The following METTL15 variants were observed in gnomAD, a reference collection of about 807,000 sequenced individuals.
The protein encoded by METTL15 is 12S rRNA N(4)-cytidine methyltransferase METTL15.
A neutral mutation model predicts 38.3 loss-of-function variants in METTL15; 34 were observed. That is an observed-to-expected ratio of 0.89 (90% CI 0.68 to 1.18). The LOEUF (loss-of-function observed/expected upper bound fraction) is 1.18, where lower values mean the gene tolerates loss of function less well. Among genes scored for constraint, METTL15 ranks in the 50% most tolerant of loss-of-function variants. The pLI is 0.00. For synonymous variants in METTL15, 162 were observed against 170.9 expected (o/e 0.95, Z 0.41); for missense variants, 438 against 498.4 (o/e 0.88, Z 1.15).
At chr11:28,157,745 A>C (rs571245218) in intron 3 of METTL15, among the ~76,000 whole-genome samples, 1 of 152,240 alleles carries the variant, frequency 6.6e-6, no homozygotes, top group African/African-American at 2.4e-5. Flanking sequence ...AATTTACATG[A>C]GGAAGTGGCG....
At chr11:28,184,647 C>A (rs1035920445) in intron 3 of METTL15, among the ~76,000 whole-genome samples, 5 of 151,510 alleles carry the variant, frequency 3.3e-5, no homozygotes, top group African/African-American at 9.7e-5. Context: ...TATCAACAAG[C>A]ATTATGTATT....
At chr11:28,377,737 G>A (rs1850333578) in intron 5 of METTL15, among the ~76,000 whole-genome samples, 1 of 152,158 alleles carries the variant, frequency 6.6e-6, no homozygotes, top group Admixed American at 6.5e-5. Flanking sequence ...GAGGCACTCT[G>A]CTTTTTAGAG....
At chr11:28,148,042 T>G (rs1849948939) in intron 3 of METTL15, among the ~76,000 whole-genome samples, 1 of 151,914 alleles carries the variant, frequency 6.6e-6, no homozygotes. Context: ...CAACCTCATT[T>G]TATTCATGTA....
intron 5 of METTL15, among the ~76,000 whole-genome samples, chr11:28,362,801 G>A (rs1052395808): frequency 9.9e-5 from 15 of 152,120 alleles, no homozygotes; most frequent in Non-Finnish European, 1.9e-4. Flanking sequence ...CCATGTCCTT[G>A]CTATTATGAA....
intron 4 of METTL15, among the ~76,000 whole-genome samples, chr11:28,241,202 G>A (rs1854277727): frequency 1.3e-5 from 2 of 152,114 alleles, no homozygotes; most frequent in Admixed American, 1.3e-4. Flanking sequence ...GAATAGGTAA[G>A]TTTTCTAGTA....
intron 2 of METTL15, among the ~76,000 whole-genome samples, chr11:28,111,634 G>C (rs192078457): frequency 3.3e-5 from 5 of 152,294 alleles, no homozygotes; most frequent in Admixed American, 3.3e-4. Flanking sequence ...GGTAGACTGT[G>C]TTACAATTTT....
intron 3 of METTL15, among the ~76,000 whole-genome samples, chr11:28,339,328 C>T (rs1849929258): frequency 6.6e-6 from 1 of 151,934 alleles, no homozygotes; most frequent in Non-Finnish European, 1.5e-5. Context: ...GGGATTCACA[C>T]ACAATGCTGT....
chr11:28,456,815 A>G (rs1851173251), intron 6 of METTL15, among the ~76,000 whole-genome samples: 1 of 152,108 alleles, frequency 6.6e-6, no homozygotes, highest in Non-Finnish European at 1.5e-5. Flanking sequence ...AGTCCCAACT[A>G]ATCCCAGCCT....
intron 3 of METTL15, among the ~76,000 whole-genome samples, chr11:28,176,586 A>C (rs1851084473): frequency 6.6e-6 from 1 of 152,172 alleles, no homozygotes; most frequent in Non-Finnish European, 1.5e-5. Flanking sequence ...AGTATTTCTT[A>C]TCATTACCAT....
At chr11:28,133,400 G>A (rs1269961938) in intron 3 of METTL15, among the ~76,000 whole-genome samples, 1 of 152,068 alleles carries the variant, frequency 6.6e-6, no homozygotes, top group African/African-American at 2.4e-5. Context: ...ATCAATTGAG[G>A]AAGATTTTGA....
chr11:28,117,181 T>C (rs1851997858), intron 3 of METTL15, among the ~76,000 whole-genome samples: 2 of 151,286 alleles, frequency 1.3e-5, no homozygotes, highest in Non-Finnish European at 2.9e-5. Context: ...TTGAAATATA[T>C]GTGATATTTG....
intron 3 of METTL15, among the ~76,000 whole-genome samples, chr11:28,169,731 G>A (rs1460319254): frequency 2.6e-5 from 4 of 152,020 alleles, no homozygotes; most frequent in East Asian, 3.9e-4. Context: ...CTATGGCTAT[G>A]TGAATAATAT....
intron 3 of METTL15, among the ~76,000 whole-genome samples, chr11:28,141,842 C>A (rs969002624): frequency 6.6e-6 from 1 of 152,146 alleles, no homozygotes; most frequent in Non-Finnish European, 1.5e-5. Context: ...AACCTTGTGG[C>A]CTTTCATTAT....
chr11:28,166,682 GC>G (rs1483376054), intron 3 of METTL15, among the ~76,000 whole-genome samples: 1 of 152,176 alleles, frequency 6.6e-6, no homozygotes, highest in Non-Finnish European at 1.5e-5. Flanking sequence ...AGGCATAGTG[GC>G]TCATGCCTGT....
intron 6 of METTL15, among the ~76,000 whole-genome samples, chr11:28,314,212 C>G (rs948230135): frequency 3.9e-5 from 6 of 152,192 alleles, no homozygotes; most frequent in Non-Finnish European, 7.4e-5. Context: ...CACATGACCT[C>G]TACCTTCTGG....
intron 3 of METTL15, among the ~76,000 whole-genome samples, chr11:28,148,120 C>A (rs1849952000): frequency 6.6e-6 from 1 of 151,820 alleles, no homozygotes; most frequent in Non-Finnish European, 1.5e-5. Flanking sequence ...ACTTTTACTT[C>A]TTGAGTCATA....
At chr11:28,370,420 A>G (rs1180034909) in intron 5 of METTL15, among the ~76,000 whole-genome samples, 2 of 152,002 alleles carry the variant, frequency 1.3e-5, no homozygotes, top group African/African-American at 4.8e-5. Flanking sequence ...ATAATATTCC[A>G]TGATGTCTAC....
At chr11:28,390,584 C>G (rs1180122288) in intron 5 of METTL15, among the ~76,000 whole-genome samples, 1 of 152,132 alleles carries the variant, frequency 6.6e-6, no homozygotes, top group Admixed American at 6.5e-5. Context: ...TTCCATTGAT[C>G]TATATCTCTG....
chr11:28,514,860 A>C (rs1851706429), intron 6 of METTL15, among the ~76,000 whole-genome samples: 2 of 152,218 alleles, frequency 1.3e-5, no homozygotes, highest in Admixed American at 1.3e-4. Flanking sequence ...ATTAATGCAA[A>C]ACAAGGGACT....
Sources: gnomAD v4.1 joint callset for allele counts (sites outside exome capture counted in the v4.1 genomes callset) on GRCh38, gnomAD v4.1.1 for gene constraint, MANE v1.5 for transcripts, NCBI Gene and HGNC (gene_info 2026-07-23, HGNC 2026-07-21) for gene names.